Variants in FAM151B observed in about 807,000 individuals in gnomAD.
FAM151B encodes family with sequence similarity 151 member B.
A neutral mutation model predicts 31.2 loss-of-function variants in FAM151B; 24 were observed. The ratio of observed to expected loss-of-function variants is 0.77; its 90% CI spans 0.56 to 1.08. The LOEUF (loss-of-function observed/expected upper bound fraction) is 1.08. Among genes scored for constraint, FAM151B ranks in the 50% least tolerant of loss-of-function variants. The pLI is 0.00. For missense variants in FAM151B, 293 were observed against 328.6 expected (o/e 0.89, Z 0.84); for synonymous variants, 105 against 111.4 (o/e 0.94, Z 0.36).
rs1187747477 is a variant in FAM151B, at chr5:80,538,509, TTTCTTTCCTTCCTTCC to T, written c.672-3160_672-3145del. Among the ~76,000 whole-genome samples the T allele has an allele frequency of 4.9e-3, 512 of 104,950 alleles. 37 individuals carry two copies. The highest frequency in any genetic ancestry group is 0.021 in the African/African-American group (493 of 23,964). 68.9% of individuals were successfully genotyped at this position (104,950 alleles called of 152,430 possible). On this transcript the variant is annotated intron_variant, in intron 5 of 5. Transcript: ENST00000282226. ...TTCCTTCCTTCCTTCCTTTCTTTTCTTTCTTTCCTTCCTTCCTTCCTTCCTTCCTTCCTTCCTTCCT... is the reference window on the plus strand; with the variant it reads ...TTCCTTCCTTCCTTCCTTTCTTTTCTTTCCTTCCTTCCTTCCTTCCTTCCT...
chr5:80,522,213 A>G, intron 5 of FAM151B, 75 bp downstream of exon 5: 1 of 1,444,594 alleles, frequency 6.9e-7, no homozygotes, highest in Non-Finnish European at 9.5e-7. Context: ...AAAATTGATT[A>G]TTTAAAGACA....
At chr5:80,501,452 C>T (rs1017200550) in intron 1 of FAM151B, 3 of 283,978 alleles carry the variant, frequency 1.1e-5, no homozygotes, top group Middle Eastern at 1.1e-3. Flanking sequence ...TAAACAGTAC[C>T]TGCTCTCAAA....
intron 1 of FAM151B, among the ~76,000 whole-genome samples, chr5:80,492,900 G>T (rs1457807379): frequency 6.6e-6 from 1 of 152,132 alleles, no homozygotes; most frequent in African/African-American, 2.4e-5. Flanking sequence ...ATTATAGTGA[G>T]CTATGATTGC....
chr5:80,504,649 A>T (rs1052781356), intron 2 of FAM151B, among the ~76,000 whole-genome samples: 3 of 149,086 alleles, frequency 2.0e-5, no homozygotes, highest in African/African-American at 7.5e-5. Flanking sequence ...GCCTCTGAGT[A>T]GCTGGGACTA....
intron 5 of FAM151B, among the ~76,000 whole-genome samples, chr5:80,539,806 A>T (rs1206088583): frequency 5.4e-5 from 8 of 147,888 alleles, no homozygotes; most frequent in African/African-American, 1.3e-4. Flanking sequence ...TTTTTTTTTT[A>T]AACTGTCTTT....
chr5:80,500,465 A>G, intron 1 of FAM151B: 1 of 864,230 alleles, frequency 1.2e-6, no homozygotes, highest in Non-Finnish European at 1.9e-6. Context: ...TTGAAAGGCA[A>G]GGAGGAAGCT....
chr5:80,504,082 T>A (rs185801896), intron 2 of FAM151B, among the ~76,000 whole-genome samples: 3 of 152,314 alleles, frequency 2.0e-5, no homozygotes, highest in Middle Eastern at 3.4e-3. Flanking sequence ...ATGTTTCCAC[T>A]TAGAGATCTC....
At chr5:80,522,915 G>A (rs867212839) in intron 5 of FAM151B, among the ~76,000 whole-genome samples, 5 of 151,836 alleles carry the variant, frequency 3.3e-5, no homozygotes, top group Admixed American at 1.3e-4. Flanking sequence ...TCAATCAGTA[G>A]AACAAAAGGA....
At chr5:80,504,512 C>G (rs1408244455) in intron 2 of FAM151B, among the ~76,000 whole-genome samples, 1 of 102,762 alleles carries the variant, frequency 9.7e-6, no homozygotes, top group Non-Finnish European at 1.9e-5. Flanking sequence ...GCGACTATTA[C>G]TCTTTTTTTT....
chr5:80,534,442 A>G (rs1745400063), intron 5 of FAM151B, among the ~76,000 whole-genome samples: 2 of 152,338 alleles, frequency 1.3e-5, no homozygotes, highest in South Asian at 4.1e-4. Flanking sequence ...GGATGAAAGG[A>G]TGGTTCAACA....
chr5:80,501,673 T>C (rs942361648), intron 1 of FAM151B, 119 bp from the exon 2 acceptor site: 1 of 455,192 alleles, frequency 2.2e-6, no homozygotes, highest in East Asian at 4.4e-5. Context: ...TCTATCTATC[T>C]ATATATATAT....
intron 2 of FAM151B, among the ~76,000 whole-genome samples, chr5:80,504,614 G>A (rs140161419): frequency 0.014 from 2,048 of 145,032 alleles, 40 homozygotes; most frequent in African/African-American, 0.047. Flanking sequence ...TCTGCCTCCC[G>A]GGTTCAAGCC....
chr5:80,533,422 A>T (rs1745338614), intron 5 of FAM151B, among the ~76,000 whole-genome samples: 1 of 151,614 alleles, frequency 6.6e-6, no homozygotes, highest in African/African-American at 2.4e-5. Context: ...AAGCAAGAGC[A>T]AACCAAACCC....
At chr5:80,539,641 G>A (rs1185560126) in intron 5 of FAM151B, among the ~76,000 whole-genome samples, 2 of 151,908 alleles carry the variant, frequency 1.3e-5, no homozygotes, top group African/African-American at 2.4e-5. Context: ...ACAGGCGTGC[G>A]CCACCACACC....
chr5:80,522,961 ACAAG>A (rs1391002741), intron 5 of FAM151B, among the ~76,000 whole-genome samples: 1 of 152,144 alleles, frequency 6.6e-6, no homozygotes, highest in Non-Finnish European at 1.5e-5. Flanking sequence ...TAGTGTAGAA[ACAAG>A]CTGACTTTTC....
chr5:80,532,451 T>TATAACAATTGTA (rs1297011379), intron 5 of FAM151B, among the ~76,000 whole-genome samples: 2 of 152,146 alleles, frequency 1.3e-5, no homozygotes, highest in Non-Finnish European at 2.9e-5. Context: ...AGCAAGAGGA[T>TATAACAATTGTA]ATAACAATTG....
intron 2 of FAM151B, among the ~76,000 whole-genome samples, chr5:80,512,844 T>A (rs1290657032): frequency 6.6e-6 from 1 of 152,036 alleles, no homozygotes; most frequent in East Asian, 1.9e-4. Flanking sequence ...TTTTTAAAAT[T>A]ATTTTTTCCA....
At chr5:80,494,111 C>T (rs1480211947) in intron 1 of FAM151B, among the ~76,000 whole-genome samples, 2 of 152,114 alleles carry the variant, frequency 1.3e-5, no homozygotes, top group Non-Finnish European at 2.9e-5. Context: ...CTGGTTCCCC[C>T]GATATATGGA....
chr5:80,527,426 TA>T (rs59029512), intron 5 of FAM151B, among the ~76,000 whole-genome samples: 80,803 of 147,466 alleles, frequency 0.55, 21,855 homozygotes, highest in East Asian at 0.58. Context: ...CTGTCTCAAT[TA>T]AAAAAAAAAA....
Sources: allele counts gnomAD v4.1 joint callset (sites outside exome capture counted in the v4.1 genomes callset), GRCh38; gene constraint gnomAD v4.1.1; transcripts MANE v1.5; gene names NCBI Gene and HGNC (gene_info 2026-07-23, HGNC 2026-07-21).